Variants in PRDM10 observed in about 807,000 individuals in gnomAD.
PRDM10 encodes the protein PR domain zinc finger protein 10.
PRDM10 carries 65 observed loss-of-function variants against 133.1 expected under a neutral mutation model. The ratio of observed to expected loss-of-function variants is 0.49; its 90% CI spans 0.40 to 0.60. The LOEUF is 0.60. Among genes scored for constraint, PRDM10 ranks in the 20% least tolerant of loss-of-function variants. The pLI, the probability that PRDM10 is intolerant of heterozygous loss-of-function variation, is 0.00. For missense variants in PRDM10, 1,137 were observed against 1,507.1 expected, an observed-to-expected ratio of 0.75 and a Z score of 4.07; for synonymous variants, 582 against 580.4, an observed-to-expected ratio of 1.00 and a Z score of -0.04.
chr11:129,920,037 A>C (rs1344843504), intron 13 of PRDM10, among the ~76,000 whole-genome samples: 1 of 152,190 alleles, frequency 6.6e-6, no homozygotes, highest in African/African-American at 2.4e-5. Flanking sequence ...TTTAGTGTGG[A>C]TACAATGGCA....
At chr11:129,909,493 A>C (rs1217621290) in intron 19 of PRDM10, among the ~76,000 whole-genome samples, 6 of 152,118 alleles carry the variant, frequency 3.9e-5, no homozygotes, top group African/African-American at 7.2e-5. Context: ...ACTAGACGGT[A>C]GAGTTTGAGC....
At position 129,912,141 on chromosome 11, in the gene PRDM10, G is replaced by C. The variant is rs1310450815; in HGVS notation, c.2926C>G (p.Gln976Glu). 3 of 1,613,068 alleles carry C rather than the reference G, an allele frequency of 1.9e-6. No individual in the cohort carries two copies. The highest frequency in any genetic ancestry group is 2.5e-6 in the Non-Finnish European group (3 of 1,179,624). The change falls in exon 18 of 21, where the codon CAG becomes GAG. Residue 976 changes from glutamine (Q) to glutamate (E), a missense_variant. Around this residue, in one of 6 missense-constraint regions of PRDM10, gnomAD observed 243 missense variants for 259.2 expected, o/e 0.94. Transcript: ENST00000360871. ...DPQPYPQHAIQVQHIQVSEPT... is the reference protein window; with the variant it reads ...DPQPYPQHAIEVQHIQVSEPT... ...TCGCTGACCTGGATGTGCTGCACCT[G>C]GATGGCGTGCTGGGGGTAGGGCTGA...
chr11:129,972,298 C>G (rs1316736846), intron 1 of PRDM10, among the ~76,000 whole-genome samples: 2 of 152,240 alleles, frequency 1.3e-5, no homozygotes, highest in Non-Finnish European at 2.9e-5. Context: ...AAGGGCTCCT[C>G]AAGTGCCGCC....
intron 1 of PRDM10, among the ~76,000 whole-genome samples, chr11:129,966,436 G>A (rs1205944492): frequency 2.0e-5 from 3 of 152,152 alleles, no homozygotes; most frequent in Non-Finnish European, 4.4e-5. Flanking sequence ...TGGCAGTCAG[G>A]ACATAGGGTC....
chr11:129,944,719 C>A (rs1951347619), intron 6 of PRDM10, 52 bp downstream of exon 6: 6 of 1,600,336 alleles, frequency 3.7e-6, no homozygotes, highest in Non-Finnish European at 5.1e-6. Context: ...ACGCAGTGCT[C>A]CTTCAAACAC....
chr11:129,930,433 G>A (rs939620751), intron 11 of PRDM10, among the ~76,000 whole-genome samples: 2 of 152,284 alleles, frequency 1.3e-5, no homozygotes, highest in South Asian at 2.1e-4. Context: ...CCCTGCAGCC[G>A]CATGGTCTGA....
chr11:129,915,667 C>T lies in PRDM10; in HGVS notation c.2519G>A (p.Ser840Asn). The T allele has an allele frequency of 6.3e-7, 1 of 1,598,090 alleles. No homozygotes were observed. Among genetic ancestry groups the T allele is most frequent in the Non-Finnish European group, 8.5e-7 (1 of 1,171,050 alleles). The change falls in exon 16 of 21, where the codon AGC (serine) becomes AAC (asparagine). Residue 840 changes from serine to asparagine, a missense_variant. Around this residue, in one of 6 missense-constraint regions of PRDM10, gnomAD observed 113 missense variants for 143.7 expected, o/e 0.79. Coordinates refer to ENST00000360871, the MANE Select transcript of PRDM10 (RefSeq NM_199437.2). ...VCCPHCSKQY[S>N]SKTKMVQHIR... ...GTCAGAAACTCCCCCTACCTTGCTG[C>T]TGTACTGCTTGGAGCAGTGGGGACA...
chr11:129,968,850 G>A (rs574188380), intron 1 of PRDM10, among the ~76,000 whole-genome samples: 9 of 152,272 alleles, frequency 5.9e-5, no homozygotes, highest in Non-Finnish European at 8.8e-5. Context: ...TGCACCCATC[G>A]ACACTGCAAT....
intron 1 of PRDM10, among the ~76,000 whole-genome samples, chr11:129,993,402 T>C (rs1209778535): frequency 6.6e-6 from 1 of 152,224 alleles, no homozygotes; most frequent in Non-Finnish European, 1.5e-5. Flanking sequence ...ATAAATCAAG[T>C]GTCTGGCTAT....
intron 19 of PRDM10, among the ~76,000 whole-genome samples, chr11:129,908,739 T>C (rs1285319471): frequency 1.3e-5 from 2 of 152,150 alleles, no homozygotes; most frequent in Non-Finnish European, 2.9e-5. Context: ...GTTCATCCTA[T>C]TATTATCATG....
At chr11:129,981,026 T>C (rs1278648192) in intron 1 of PRDM10, among the ~76,000 whole-genome samples, 5 of 151,650 alleles carry the variant, frequency 3.3e-5, no homozygotes, top group African/African-American at 9.7e-5. Context: ...CACGCACCAC[T>C]AGGCCCAGCT....
intron 1 of PRDM10, among the ~76,000 whole-genome samples, chr11:129,977,950 G>T (rs1037998663): frequency 6.8e-6 from 1 of 146,104 alleles, no homozygotes; most frequent in African/African-American, 2.7e-5. Context: ...GACAGAGTGA[G>T]AGACCCTGTC....
At chr11:129,996,976 C>A (rs988975001) in intron 1 of PRDM10, among the ~76,000 whole-genome samples, 1 of 152,136 alleles carries the variant, frequency 6.6e-6, no homozygotes, top group African/African-American at 2.4e-5. Context: ...TGCCCAAGAT[C>A]ACAGCCAGCA....
At chr11:129,964,822 G>A (rs1022634031) in intron 1 of PRDM10, among the ~76,000 whole-genome samples, 2 of 152,144 alleles carry the variant, frequency 1.3e-5, no homozygotes. Context: ...GAAGATACTA[G>A]CGCAGTTAAA....
chr11:129,916,736 C>A (rs1950370283), intron 15 of PRDM10, among the ~76,000 whole-genome samples: 2 of 152,208 alleles, frequency 1.3e-5, no homozygotes, highest in Non-Finnish European at 2.9e-5. Flanking sequence ...GAGTACTCCA[C>A]CACAAAGCTT....
chr11:129,902,576 C>T, intron 20 of PRDM10, 60 bp from the exon 21 acceptor site: 3 of 1,557,936 alleles, frequency 1.9e-6, no homozygotes, highest in Non-Finnish European at 2.6e-6. Flanking sequence ...GGTGAAGCTA[C>T]TGGGGAAGGA....
chr11:129,910,448 C>T (rs1050446140), intron 19 of PRDM10, 28 bp downstream of exon 19: 10 of 1,612,704 alleles, frequency 6.2e-6, no homozygotes, highest in African/African-American at 5.3e-5. Context: ...CACCCCTGAC[C>T]GACACGGCAT....
chr11:129,998,173 ATAT>A (rs1369819135), intron 1 of PRDM10, among the ~76,000 whole-genome samples: 7 of 152,136 alleles, frequency 4.6e-5, no homozygotes, highest in African/African-American at 7.3e-5. Flanking sequence ...AAATTGAAAG[ATAT>A]TATTTTTTTC....
rs146105085 is a variant in PRDM10, at chr11:129,910,642, C to A, written c.2997G>T (p.Pro999=). Residue 999 remains proline, a synonymous_variant, in exon 19 of 21, where the codon CCG becomes CCT. Coordinates refer to ENST00000360871, the MANE Select transcript of PRDM10 (RefSeq NM_199437.2). Reference sequence around the variant, plus strand: ...GAGCCTGCTGGGCTGAGGGACTCAACGGCTGCCCAGATACCTGGGGAGAAA... The same window carrying A: ...GAGCCTGCTGGGCTGAGGGACTCAAAGGCTGCCCAGATACCTGGGGAGAAA... The part of the protein sequence containing the change: ...APSSAQVSGQ[P]LSPSAQQAQQ... 4 of 1,577,328 alleles carry A rather than the reference C, an allele frequency of 2.5e-6. No individual in the cohort carries two copies. The highest frequency in any genetic ancestry group is 1.2e-5 in the South Asian group (1 of 86,862).
Sources: gnomAD v4.1 joint callset for allele counts (sites outside exome capture counted in the v4.1 genomes callset) on GRCh38, gnomAD v4.1.1 for gene constraint, gnomAD v4.1.1 regional missense constraint, MANE v1.5 for transcripts, NCBI Gene and HGNC (gene_info 2026-07-23, HGNC 2026-07-21) for gene names.